The following OSBPL10 variants were observed in gnomAD, a reference collection of about 807,000 sequenced individuals.
The protein encoded by OSBPL10 is oxysterol-binding protein-related protein 10.
Under a neutral mutation model 81.7 loss-of-function variants are expected in OSBPL10, and 49 were observed. That is an observed-to-expected ratio of 0.60 (90% confidence interval 0.48 to 0.76). OSBPL10 has a LOEUF of 0.76. Among genes scored for constraint, OSBPL10 ranks in the 30% least tolerant of loss-of-function variants. The pLI, the probability that OSBPL10 is intolerant of heterozygous loss-of-function variation, is 0.00. For synonymous variants in OSBPL10, 419 were observed against 383.6 expected (o/e 1.09, Z -1.08); for missense variants, 923 against 987.8 (o/e 0.93, Z 0.88).
chr3:32,069,987 C>T (rs1009210106), intron 1 of OSBPL10, among the ~76,000 whole-genome samples: 1 of 152,208 alleles, frequency 6.6e-6, no homozygotes, highest in Non-Finnish European at 1.5e-5. Flanking sequence ...CGACTCACAT[C>T]GCCGCTGCTT....
intron 4 of OSBPL10, among the ~76,000 whole-genome samples, chr3:31,759,230 C>G (rs1019390168): frequency 3.9e-5 from 6 of 152,144 alleles, no homozygotes; most frequent in African/African-American, 1.4e-4. Flanking sequence ...GGCAAAGGAT[C>G]AGTGAGTAAG....
chr3:32,002,110 C>G (rs894712430), intron 2 of OSBPL10, among the ~76,000 whole-genome samples: 1 of 152,176 alleles, frequency 6.6e-6, no homozygotes, highest in Non-Finnish European at 1.5e-5. Context: ...CTTCCTGGCT[C>G]ATACAAGTCC....
intron 6 of OSBPL10, among the ~76,000 whole-genome samples, chr3:31,729,277 C>A (rs2125656192): frequency 6.6e-6 from 1 of 152,260 alleles, no homozygotes; most frequent in East Asian, 1.9e-4. Context: ...CCTGTTCCCT[C>A]CTGTGCCAAG....
intron 4 of OSBPL10, among the ~76,000 whole-genome samples, chr3:31,751,183 CA>C (rs1697705722): frequency 6.6e-6 from 1 of 151,766 alleles, no homozygotes; most frequent in Non-Finnish European, 1.5e-5. Flanking sequence ...AACAACAAAA[CA>C]ACAACAAAAA....
intron 4 of OSBPL10, chr3:31,797,866 G>T (rs754954895): frequency 2.2e-6 from 1 of 452,116 alleles, no homozygotes; most frequent in Non-Finnish European, 4.5e-6. Flanking sequence ...ATGGGGGGGT[G>T]AATGTTAGAT....
intron 1 of OSBPL10, among the ~76,000 whole-genome samples, chr3:31,918,098 AAACT>A (rs146493987): frequency 0.3 from 44,985 of 151,686 alleles, 7,427 homozygotes; most frequent in African/African-American, 0.43. Context: ...CTATTTTAAT[AAACT>A]AATAATTGAA....
chr3:31,781,845 T>C (rs531938905), intron 4 of OSBPL10, among the ~76,000 whole-genome samples: 46 of 152,338 alleles, frequency 3.0e-4, no homozygotes, highest in Non-Finnish European at 5.7e-4. Context: ...TGTTCATAGA[T>C]GGATGGCATC....
intron 3 of OSBPL10, among the ~76,000 whole-genome samples, chr3:31,870,199 G>A (rs907955809): frequency 6.6e-6 from 1 of 152,354 alleles, no homozygotes; most frequent in African/African-American, 2.4e-5. Flanking sequence ...TGGGCTTGGA[G>A]GGCCCCGCAC....
chr3:31,669,927 T>G (rs1700282701), intron 9 of OSBPL10, among the ~76,000 whole-genome samples: 1 of 152,232 alleles, frequency 6.6e-6, no homozygotes, highest in Non-Finnish European at 1.5e-5. Flanking sequence ...TCTTCTGGAT[T>G]GCACACAGTG....
At chr3:31,812,717 A>AGAAAG (rs1348253112) in intron 4 of OSBPL10, among the ~76,000 whole-genome samples, 4 of 53,490 alleles carry the variant, frequency 7.5e-5, no homozygotes, top group African/African-American at 2.0e-4. Flanking sequence ...GTAGGCAAAA[A>AGAAAG]AAAAGAAAGA....
chr3:31,665,687 GAA>G (rs1424365073), intron 10 of OSBPL10, among the ~76,000 whole-genome samples: 4 of 152,206 alleles, frequency 2.6e-5, no homozygotes, highest in Non-Finnish European at 5.9e-5. Context: ...GATTTAAGAG[GAA>G]AGACTCGCCC....
intron 4 of OSBPL10, among the ~76,000 whole-genome samples, chr3:31,797,027 G>C (rs1699241756): frequency 9.2e-6 from 1 of 108,920 alleles, no homozygotes; most frequent in Non-Finnish European, 1.7e-5. Flanking sequence ...ACAGAGGCTT[G>C]CTCTGTTGCC....
chr3:31,962,583 A>G (rs1698200351), intron 1 of OSBPL10, among the ~76,000 whole-genome samples: 1 of 152,150 alleles, frequency 6.6e-6, no homozygotes, highest in Non-Finnish European at 1.5e-5. Context: ...GCACAGGAGA[A>G]GTGCCATAAA....
intron 3 of OSBPL10, among the ~76,000 whole-genome samples, chr3:31,856,914 A>G (rs2125587883): frequency 6.6e-6 from 1 of 152,272 alleles, no homozygotes; most frequent in South Asian, 2.1e-4. Context: ...CGTCTCTACT[A>G]AAAATACAAA....
At chr3:31,662,880 C>G (rs1240917184) in intron 11 of OSBPL10, 2 of 985,342 alleles carry the variant, frequency 2.0e-6, no homozygotes, top group African/African-American at 1.7e-5. Context: ...AAGGATCTTT[C>G]AAGGTTTTAC....
intron 1 of OSBPL10, among the ~76,000 whole-genome samples, chr3:31,900,141 A>T (rs1228118694): frequency 1.3e-5 from 2 of 151,302 alleles, no homozygotes; most frequent in African/African-American, 4.9e-5. Context: ...TCCTCACCTC[A>T]ACTTCCCCAG....
chr3:31,748,637 C>T (rs77330011), intron 4 of OSBPL10, among the ~76,000 whole-genome samples: 1,504 of 76,774 alleles, frequency 0.02, 33 homozygotes, highest in African/African-American at 0.062. Flanking sequence ...CCCCTTCGCT[C>T]GCTTGCAAAA....
intron 1 of OSBPL10, among the ~76,000 whole-genome samples, chr3:31,908,220 T>C (rs982863317): frequency 2.6e-5 from 4 of 151,944 alleles, no homozygotes; most frequent in Non-Finnish European, 5.9e-5. Flanking sequence ...CACAGAACCT[T>C]GCAGGCATGA....
intron 2 of OSBPL10, chr3:32,030,116 A>C (rs1037669815): frequency 1.0e-5 from 2 of 194,204 alleles, no homozygotes; most frequent in African/African-American, 4.8e-5. Context: ...ATGATATCTA[A>C]ATTTTCTTAA....
Sources: allele counts gnomAD v4.1 joint callset (sites outside exome capture counted in the v4.1 genomes callset), GRCh38; gene constraint gnomAD v4.1.1; transcripts MANE v1.5; gene names NCBI Gene and HGNC (gene_info 2026-07-23, HGNC 2026-07-21).